The following PLXNC1 variants were observed in gnomAD, a reference collection of about 807,000 sequenced individuals.
PLXNC1 encodes plexin C1.
A neutral mutation model predicts 178.2 loss-of-function variants in PLXNC1; 75 were observed. The observed-to-expected ratio is 0.42, with a 90% CI of 0.35 to 0.51. The LOEUF (loss-of-function observed/expected upper bound fraction) is 0.51. PLXNC1 is among the 20% of genes least tolerant of loss of function. The pLI is 0.02. For synonymous variants in PLXNC1, 790 were observed against 779.9 expected (o/e 1.01, Z -0.22); for missense variants, 1,503 against 1,984.4 (o/e 0.76, Z 4.61).
chr12:94,280,017 A>G, intron 22 of PLXNC1: 1 of 373,468 alleles, frequency 2.7e-6, no homozygotes, highest in South Asian at 2.1e-5. Flanking sequence ...TCACATTGGC[A>G]TTTGATTTGT....
chr12:94,149,967 A>C lies in PLXNC1; in HGVS notation c.996A>C (p.Arg332Ser). The C allele has an allele frequency of 1.3e-6, 2 of 1,593,848 alleles. No individual in the cohort carries two copies. The highest frequency in any genetic ancestry group is 3.5e-5 in the Admixed American group (2 of 57,416). Reference sequence around the variant, plus strand: ...CCACCACGGCGCTCTGCCTCTTCAGAATGAGTGAGATCCAGGCGCGCGCCA... The same window carrying C: ...CCACCACGGCGCTCTGCCTCTTCAGCATGAGTGAGATCCAGGCGCGCGCCA... Reference protein sequence around the residue: ...SPTTTALCLFRMSEIQARAKR... With the variant: ...SPTTTALCLFSMSEIQARAKR... Residue 332 changes from arginine (R) to serine (S), a missense_variant, in exon 1 of 31, where the codon AGA becomes AGC. Physicochemically the swap from Arg to Ser is moderately radical, Grantham distance 110. Around this residue, in one of 4 missense-constraint regions of PLXNC1, gnomAD observed 615 missense variants for 698.6 expected, o/e 0.88. Coordinates refer to ENST00000258526, the MANE Select transcript of PLXNC1 (RefSeq NM_005761.3).
chr12:94,195,235 C>A (rs765659792), intron 4 of PLXNC1, among the ~76,000 whole-genome samples: 14 of 152,132 alleles, frequency 9.2e-5, no homozygotes, highest in Non-Finnish European at 1.6e-4. Flanking sequence ...AGATGAACCA[C>A]GTTAATCCAA....
chr12:94,197,964 A>G (rs1320233538), intron 4 of PLXNC1, among the ~76,000 whole-genome samples: 1 of 152,178 alleles, frequency 6.6e-6, no homozygotes, highest in Non-Finnish European at 1.5e-5. Context: ...TTAGGCAACC[A>G]TGCATTCATT....
rs1382209849 is a variant in PLXNC1, at chr12:94,218,493, T to G, written c.1555-1523T>G. On this transcript the variant is annotated intron_variant, in intron 5 of 30. Transcript: ENST00000258526. ...AGGGGGTGATAAGGTTACCACTTCC[T>G]GCACTCCCAGGTTCCTTTTACTTAG... Among the ~76,000 whole-genome samples, 12 of 152,160 alleles carry G rather than the reference T, an allele frequency of 7.9e-5. 1 individual carries two copies.
chr12:94,307,434 G>C lies in PLXNC1; in HGVS notation c.*2149G>C, dbSNP rs1969163255. 1 of 152,188 alleles carries C rather than the reference G, an allele frequency of 6.6e-6. No homozygotes were observed. 9.4% of individuals were successfully genotyped at this position (152,188 alleles called of 1,614,324 possible). On this transcript the variant is annotated 3_prime_UTR_variant, in exon 31 of 31. Transcript: ENST00000258526. ...CTGGGTCTATATTAAACAGCAACCA[G>C]AGCAACAAATGGCAAACAATTTCTA...
intron 20 of PLXNC1, among the ~76,000 whole-genome samples, chr12:94,261,635 G>A (rs990046184): frequency 6.6e-6 from 1 of 152,204 alleles, no homozygotes; most frequent in African/African-American, 2.4e-5. Context: ...AGCCCTCTGA[G>A]GCCCCTGGTA....
Position 94,306,783 on chromosome 12 carries a change from ACACCT to A in PLXNC1, c.*1501_*1505del, listed in dbSNP as rs1969070232. 6.6e-6 allele frequency: 1 copy of A among 152,240 alleles called. No homozygotes were observed. Among genetic ancestry groups the A allele is most frequent in the South Asian group, 2.1e-4 (1 of 4,834 alleles). 9.4% of individuals were successfully genotyped at this position (152,240 alleles called of 1,614,324 possible). ...TATCTGGAAAAGCATGAGAGAGGTG[ACACCT>A]CAACAAACTGATCAGAGAAAATAAG... is the stretch of plus-strand genomic sequence containing the variant. On this transcript the variant is annotated 3_prime_UTR_variant, in exon 31 of 31. Transcript: ENST00000258526.
chr12:94,237,089 T>C (rs1964263549), intron 9 of PLXNC1, among the ~76,000 whole-genome samples: 1 of 152,198 alleles, frequency 6.6e-6, no homozygotes, highest in Admixed American at 6.5e-5. Flanking sequence ...CAAACCTTGG[T>C]TGGCCACAGT....
chr12:94,295,839 C>T (rs1967868480), intron 24 of PLXNC1, among the ~76,000 whole-genome samples: 1 of 152,100 alleles, frequency 6.6e-6, no homozygotes, highest in Non-Finnish European at 1.5e-5. Flanking sequence ...ATAATGTCTG[C>T]CTTCTCTCCT....
In PLXNC1 at chr12:94,303,822, T is replaced by TA. The variant is rs776396484; in HGVS notation, c.4454dup (p.Tyr1485Ter). Residue 1485 changes from tyrosine to a stop codon, truncating the protein, a stop_gained and frameshift_variant, in exon 29 of 31, where the codon TAT (tyrosine) becomes TAAT (stop). Coordinates refer to ENST00000258526, the MANE Select transcript of PLXNC1 (RefSeq NM_005761.3). LOFTEE classifies it high-confidence loss of function. Reference sequence around the variant, plus strand: ...AACCTACAAAGAAGAAGTAAAATCTTATTACAAAGCAATCAGGGATTTGCC... The same window carrying TA: ...AACCTACAAAGAAGAAGTAAAATCTTAATTACAAAGCAATCAGGGATTTGCC... The part of the protein sequence containing the change: ...IPTYKEEVKS[Y>*]YKAIRDLPPL... 1 of 1,611,850 alleles carries TA rather than the reference T, an allele frequency of 6.2e-7. No homozygotes were observed. The highest frequency in any genetic ancestry group is 1.1e-5 in the South Asian group (1 of 90,538).
intron 21 of PLXNC1, among the ~76,000 whole-genome samples, chr12:94,278,997 C>CAA (rs10691027): frequency 0.45 from 66,368 of 149,138 alleles, 14,756 homozygotes; most frequent in South Asian, 0.54. Flanking sequence ...GACTCCATCT[C>CAA]AAAAAAAAAA....
chr12:94,210,153 A>T (rs1275491101), intron 5 of PLXNC1, among the ~76,000 whole-genome samples: 2 of 152,208 alleles, frequency 1.3e-5, no homozygotes, highest in African/African-American at 4.8e-5. Flanking sequence ...CCCAGTAACC[A>T]TCTTATGAAC....
chr12:94,202,829 C>T (rs894276373), intron 4 of PLXNC1, among the ~76,000 whole-genome samples: 2 of 152,132 alleles, frequency 1.3e-5, no homozygotes, highest in African/African-American at 4.8e-5. Context: ...AAGAGGAAGG[C>T]AGGGGCCAGA....
At chr12:94,202,038 C>T (rs945145982) in intron 4 of PLXNC1, among the ~76,000 whole-genome samples, 3 of 152,034 alleles carry the variant, frequency 2.0e-5, no homozygotes, top group Non-Finnish European at 4.4e-5. Context: ...GGATTACAGG[C>T]ATAAGCCACT....
intron 4 of PLXNC1, among the ~76,000 whole-genome samples, chr12:94,199,304 C>T (rs948377812): frequency 1.2e-4 from 18 of 152,024 alleles, no homozygotes; most frequent in Admixed American, 9.2e-4. Flanking sequence ...GACGTCTGTG[C>T]GGTGACACTT....
chr12:94,149,321 C>A lies in PLXNC1; in HGVS notation c.350C>A (p.Ala117Asp). 6.9e-7 allele frequency: 1 copy of A among 1,447,154 alleles called. No homozygotes were observed. Among genetic ancestry groups the A allele is most frequent in the Non-Finnish European group, 9.0e-7 (1 of 1,109,322 alleles). The allele number at this position is 1,447,154 out of a possible 1,614,324, so 89.6% of individuals were successfully genotyped here. A position where few individuals can be genotyped will look rare whatever the true frequency, so the allele number is the denominator to read the frequency against. Residue 117 changes from alanine (A) to aspartate (D), a missense_variant, in exon 1 of 31, where the codon GCC (alanine) becomes GAC (aspartate). Coordinates refer to ENST00000258526, the MANE Select transcript of PLXNC1 (RefSeq NM_005761.3). ...KLLLPYREGA[A>D]GLGGLLLTGW... ...CTGCTGCCCTACCGCGAGGGGGCGG[C>A]CGGCCTCGGGGGGCTGCTGCTCACC...
intron 2 of PLXNC1, among the ~76,000 whole-genome samples, chr12:94,170,702 A>G (rs1253068367): frequency 1.8e-4 from 28 of 152,164 alleles, no homozygotes; most frequent in Non-Finnish European, 1.0e-4. Context: ...CCCACAGCCT[A>G]ATACAGTGCT....
intron 14 of PLXNC1, among the ~76,000 whole-genome samples, chr12:94,250,527 C>CG (rs1964653458): frequency 1.3e-5 from 2 of 152,224 alleles, no homozygotes; most frequent in Non-Finnish European, 2.9e-5. Flanking sequence ...GATGCCTCCA[C>CG]GGGGGCAGCA....
intron 4 of PLXNC1, among the ~76,000 whole-genome samples, chr12:94,198,306 C>T (rs866137756): frequency 3.9e-5 from 6 of 152,258 alleles, no homozygotes; most frequent in Middle Eastern, 3.4e-3. Context: ...ACCGCATGTT[C>T]TCACTTATAG....
Sources: allele counts gnomAD v4.1 joint callset (sites outside exome capture counted in the v4.1 genomes callset), GRCh38; gene constraint gnomAD v4.1.1; regional missense constraint gnomAD v4.1.1; transcripts MANE v1.5; gene names NCBI Gene and HGNC (gene_info 2026-07-23, HGNC 2026-07-21).